IMMP2L: variants seen among roughly 807,000 people sequenced by gnomAD.
IMMP2L encodes the protein inner mitochondrial membrane peptidase subunit 2, also known as mitochondrial inner membrane protease subunit 2.
In IMMP2L, 18 loss-of-function variants were observed where a neutral mutation model predicts 19.3. The observed-to-expected ratio is 0.93, with a 90% CI of 0.64 to 1.38. IMMP2L has a LOEUF of 1.38. IMMP2L is among the 40% of genes most tolerant of loss of function. The pLI, the probability that IMMP2L is intolerant of heterozygous loss-of-function variation, is 0.00. For missense variants in IMMP2L, 233 were observed against 218.2 expected, an observed-to-expected ratio of 1.07 and a Z score of -0.43; for synonymous variants, 76 against 73.0, an observed-to-expected ratio of 1.04 and a Z score of -0.21.
At chr7:111,532,928 G>A (rs1252175691) in intron 1 of IMMP2L, among the ~76,000 whole-genome samples, 1 of 152,092 alleles carries the variant, frequency 6.6e-6, no homozygotes, top group Non-Finnish European at 1.5e-5. Flanking sequence ...TGCAATTTAA[G>A]GTGAAAGCAA....
intron 3 of IMMP2L, among the ~76,000 whole-genome samples, chr7:111,253,834 G>A (rs565636075): frequency 1.3e-5 from 2 of 152,206 alleles, no homozygotes; most frequent in African/African-American, 4.8e-5. Flanking sequence ...TAACTGAAGA[G>A]CCCCAGAAAA....
chr7:110,976,514 T>C (rs1422475291), intron 3 of IMMP2L, among the ~76,000 whole-genome samples: 1 of 152,088 alleles, frequency 6.6e-6, no homozygotes, highest in Non-Finnish European at 1.5e-5. Flanking sequence ...GAGTTTCTTA[T>C]AATCTAATAA....
intron 3 of IMMP2L, among the ~76,000 whole-genome samples, chr7:110,979,456 C>A (rs1330983255): frequency 6.6e-6 from 1 of 152,022 alleles, no homozygotes; most frequent in Non-Finnish European, 1.5e-5. Flanking sequence ...TCTATCATTA[C>A]TAGTTTTTCC....
intron 3 of IMMP2L, among the ~76,000 whole-genome samples, chr7:111,450,280 T>C (rs1166526119): frequency 6.6e-6 from 1 of 151,154 alleles, no homozygotes; most frequent in Non-Finnish European, 1.5e-5. Flanking sequence ...AGAACAAAGC[T>C]GGAGGCATCA....
Position 110,690,127 on chromosome 7 carries a change from C to A in IMMP2L, c.409-26406G>T, listed in dbSNP as rs150433312. ...AGGCTTCTATCGTGGCACCCACTCA[C>A]CCCCCACCTCAGACAATGCCACAAT... On this transcript the variant is annotated intron_variant, in intron 5 of 5. Coordinates refer to ENST00000405709, the MANE Select transcript of IMMP2L (RefSeq NM_032549.4). Among the ~76,000 whole-genome samples, 158 of 152,256 alleles carry A rather than the reference C, an allele frequency of 1.0e-3. 1 individual carries two copies. Among genetic ancestry groups the A allele is most frequent in the African/African-American group, 3.7e-3 (152 of 41,572 alleles).
At chr7:111,515,733 A>G (rs1845822570) in intron 2 of IMMP2L, among the ~76,000 whole-genome samples, 1 of 152,092 alleles carries the variant, frequency 6.6e-6, no homozygotes, top group African/African-American at 2.4e-5. Context: ...ATAAACTTTA[A>G]AATCTTTAGA....
chr7:111,559,257 T>C (rs1005251736), intron 1 of IMMP2L, among the ~76,000 whole-genome samples: 2 of 152,182 alleles, frequency 1.3e-5, no homozygotes. Flanking sequence ...CAGTATCAGA[T>C]ATACTAAATA....
chr7:111,387,334 C>G (rs1017701629), intron 3 of IMMP2L, among the ~76,000 whole-genome samples: 1 of 152,110 alleles, frequency 6.6e-6, no homozygotes, highest in Non-Finnish European at 1.5e-5. Context: ...TTAAAACTAG[C>G]TTTTAAACCA....
chr7:110,849,547 C>A (rs1805994123), intron 5 of IMMP2L, among the ~76,000 whole-genome samples: 1 of 151,992 alleles, frequency 6.6e-6, no homozygotes, highest in Non-Finnish European at 1.5e-5. Flanking sequence ...CACTAATGAA[C>A]ATACGATAAA....
intron 3 of IMMP2L, among the ~76,000 whole-genome samples, chr7:111,099,165 G>C (rs1797705257): frequency 6.6e-6 from 1 of 151,518 alleles, no homozygotes; most frequent in South Asian, 2.1e-4. Flanking sequence ...CTTCACCTGA[G>C]GTCATGCAGT....
chr7:111,070,322 A>G (rs1442919198), intron 3 of IMMP2L, among the ~76,000 whole-genome samples: 1 of 152,148 alleles, frequency 6.6e-6, no homozygotes, highest in Non-Finnish European at 1.5e-5. Context: ...ACATTCCACA[A>G]CGTTTAAAGT....
At chr7:110,772,091 G>T (rs1328803655) in intron 5 of IMMP2L, among the ~76,000 whole-genome samples, 1 of 152,114 alleles carries the variant, frequency 6.6e-6, no homozygotes, top group Non-Finnish European at 1.5e-5. Context: ...GTCTCTTGAG[G>T]GTAATTAGGC....
At chr7:111,203,967 C>T (rs111601027) in intron 3 of IMMP2L, among the ~76,000 whole-genome samples, 1 of 152,106 alleles carries the variant, frequency 6.6e-6, no homozygotes, top group Non-Finnish European at 1.5e-5. Context: ...AAAGATCTCA[C>T]ACTATAGAAC....
At chr7:111,323,583 C>A (rs376501772) in intron 3 of IMMP2L, among the ~76,000 whole-genome samples, 1 of 152,106 alleles carries the variant, frequency 6.6e-6, no homozygotes, top group East Asian at 1.9e-4. Context: ...GTCAGTGTGG[C>A]GATTCCTCAG....
intron 5 of IMMP2L, among the ~76,000 whole-genome samples, chr7:110,795,776 T>C (rs1012744251): frequency 6.6e-6 from 1 of 152,012 alleles, no homozygotes; most frequent in Non-Finnish European, 1.5e-5. Context: ...AATCAACATT[T>C]AGAAACCAGC....
chr7:110,744,837 T>G (rs1409560145), intron 5 of IMMP2L, among the ~76,000 whole-genome samples: 4 of 152,112 alleles, frequency 2.6e-5, no homozygotes, highest in Non-Finnish European at 4.4e-5. Context: ...CCAGAATGCT[T>G]CTTCTCCTCC....
intron 5 of IMMP2L, among the ~76,000 whole-genome samples, chr7:110,753,486 G>C (rs528700197): frequency 6.6e-6 from 1 of 151,964 alleles, no homozygotes; most frequent in African/African-American, 2.4e-5. Flanking sequence ...TGTTATATAG[G>C]ATTTGTGTAT....
chr7:111,439,121 C>G (rs767693478), intron 3 of IMMP2L, among the ~76,000 whole-genome samples: 75 of 151,844 alleles, frequency 4.9e-4, no homozygotes, highest in Non-Finnish European at 9.7e-4. Flanking sequence ...GTCTTATACC[C>G]CAGCATCCAG....
intron 5 of IMMP2L, among the ~76,000 whole-genome samples, chr7:110,754,791 G>C (rs2130936832): frequency 6.6e-6 from 1 of 152,066 alleles, no homozygotes; most frequent in East Asian, 1.9e-4. Context: ...TTACTTCACT[G>C]TTTAATCACC....
Sources: gnomAD v4.1 joint callset for allele counts (sites outside exome capture counted in the v4.1 genomes callset) on GRCh38, gnomAD v4.1.1 for gene constraint, MANE v1.5 for transcripts, NCBI Gene and HGNC (gene_info 2026-07-23, HGNC 2026-07-21) for gene names.